The following ABCC9 variants were observed in gnomAD, a reference collection of about 807,000 sequenced individuals.
The protein encoded by ABCC9 is ATP binding cassette subfamily C member 9.
In ABCC9, 95 loss-of-function variants were observed where a neutral mutation model predicts 188.3. The observed-to-expected ratio is 0.50, with a 90% confidence interval of 0.43 to 0.60. The LOEUF (loss-of-function observed/expected upper bound fraction) is 0.60. Ranked by LOEUF, ABCC9 falls within the 20% of genes least tolerant of loss-of-function variation. The pLI is 0.00. For synonymous variants in ABCC9, 659 were observed against 652.7 expected (o/e 1.01, Z -0.15); for missense variants, 1,102 against 1,876.3 (o/e 0.59, Z 7.62).
chr12:21,845,136 G>T (rs970816394), intron 26 of ABCC9, among the ~76,000 whole-genome samples: 1 of 102,112 alleles, frequency 9.8e-6, no homozygotes, highest in African/African-American at 4.3e-5. Context: ...TTCAAGGCTT[G>T]CTTAAAAGCA....
At chr12:21,834,131 T>C (rs950693360) in intron 30 of ABCC9, among the ~76,000 whole-genome samples, 11 of 152,232 alleles carry the variant, frequency 7.2e-5, no homozygotes, top group Admixed American at 4.6e-4. Flanking sequence ...CCATATCCAA[T>C]GGACACTTTT....
intron 12 of ABCC9, among the ~76,000 whole-genome samples, chr12:21,903,765 T>C (rs1176012387): frequency 6.6e-6 from 1 of 152,140 alleles, no homozygotes; most frequent in Non-Finnish European, 1.5e-5. Context: ...AAACCACTGC[T>C]CAATGAAATA....
At chr12:21,891,669 A>T (rs1947166345) in intron 14 of ABCC9, among the ~76,000 whole-genome samples, 1 of 152,232 alleles carries the variant, frequency 6.6e-6, no homozygotes, top group African/African-American at 2.4e-5. Flanking sequence ...AGTCTCTTAC[A>T]TGCATGTATA....
chr12:21,815,797 T>C lies in ABCC9; in HGVS notation c.3989A>G (p.Lys1330Arg). 6.2e-7 allele frequency: 1 copy of C among 1,613,396 alleles called. No homozygotes were observed. Among genetic ancestry groups the C allele is most frequent in the Non-Finnish European group, 8.5e-7 (1 of 1,179,658 alleles). ...RYENNLKPVL[K>R]HVKAYIKPGQ... ...AGGTTTGATGTAAGCCTTGACGTGC[T>C]TAAGAACAGGTTTCAGATTATTTTC... The change falls in exon 34 of 40, where the codon AAG (lysine) becomes AGG (arginine). Residue 1330 changes from lysine (K) to arginine (R), a missense_variant. Lys to Arg is a conservative substitution (Grantham distance 26). Transcript: ENST00000261200.
At chr12:21,847,632 CT>C (rs960302695) in intron 25 of ABCC9, among the ~76,000 whole-genome samples, 13 of 152,168 alleles carry the variant, frequency 8.5e-5, no homozygotes, top group Admixed American at 8.5e-4. Flanking sequence ...TCCAGTCAAT[CT>C]TTTTTTCCCA....
chr12:21,870,625 C>A (rs10841902), intron 18 of ABCC9, among the ~76,000 whole-genome samples: 9 of 152,032 alleles, frequency 5.9e-5, no homozygotes, highest in South Asian at 2.1e-4. Flanking sequence ...TGTTTTTTTC[C>A]TCACGTTTCC....
At chr12:21,866,923 G>A (rs1244203188) in intron 18 of ABCC9, among the ~76,000 whole-genome samples, 1 of 152,120 alleles carries the variant, frequency 6.6e-6, no homozygotes, top group African/African-American at 2.4e-5. Context: ...TTAAAAAATG[G>A]GTGGGGAATA....
intron 15 of ABCC9, among the ~76,000 whole-genome samples, chr12:21,883,847 T>A (rs1230754821): frequency 2.0e-5 from 3 of 152,146 alleles, no homozygotes; most frequent in African/African-American, 7.2e-5. Flanking sequence ...ACATCCTTTA[T>A]AAAGAGGATG....
At chr12:21,859,792 G>T in intron 21 of ABCC9, 126 bp from the exon 22 acceptor site, 2 of 832,370 alleles carry the variant, frequency 2.4e-6, no homozygotes, top group South Asian at 2.7e-5. Flanking sequence ...TAATTAAATT[G>T]TAGTAACATT....
intron 15 of ABCC9, among the ~76,000 whole-genome samples, chr12:21,886,810 T>A (rs1045215756): frequency 6.6e-6 from 1 of 152,078 alleles, no homozygotes; most frequent in Non-Finnish European, 1.5e-5. Context: ...AATTCCTACC[T>A]CAAGATCTTT....
At chr12:21,827,005 C>T (rs1343098848) in intron 31 of ABCC9, 1 of 451,012 alleles carries the variant, frequency 2.2e-6, no homozygotes, top group South Asian at 9.4e-5. Flanking sequence ...AATGAATGGC[C>T]TGTTCTGCCC....
At chr12:21,859,493 T>G in intron 22 of ABCC9, 93 bp downstream of exon 22, 1 of 1,254,124 alleles carries the variant, frequency 8.0e-7, no homozygotes, top group East Asian at 2.3e-5. Flanking sequence ...TTAAACCATC[T>G]TTCCTTGAGT....
chr12:21,860,881 A>G (rs926100327), intron 21 of ABCC9, 90 bp downstream of exon 21: 1 of 1,105,636 alleles, frequency 9.0e-7, no homozygotes, highest in South Asian at 1.3e-5. Context: ...TAAGCTCTCA[A>G]ATTTCATGAT....
chr12:21,838,262 GTATT>G (rs1429408965), intron 29 of ABCC9, 92 bp from the exon 30 acceptor site: 1 of 1,013,656 alleles, frequency 9.9e-7, no homozygotes, highest in South Asian at 1.3e-5. Context: ...TTTTGTCACT[GTATT>G]TGTTTTCCTC....
At chr12:21,870,694 A>G (rs989128239) in intron 18 of ABCC9, among the ~76,000 whole-genome samples, 12 of 152,188 alleles carry the variant, frequency 7.9e-5, no homozygotes, top group Admixed American at 6.5e-4. Context: ...ATAATTATAC[A>G]GGACTTCAGT....
chr12:21,921,971 CAGCTTTGT>C (rs1396537844), intron 5 of ABCC9, among the ~76,000 whole-genome samples: 1 of 151,882 alleles, frequency 6.6e-6, no homozygotes, highest in Non-Finnish European at 1.5e-5. Flanking sequence ...TTGATTACTA[CAGCTTTGT>C]AGTATGAAAT....
At chr12:21,822,595 C>T (rs902753491) in intron 31 of ABCC9, among the ~76,000 whole-genome samples, 15 of 151,764 alleles carry the variant, frequency 9.9e-5, no homozygotes, top group African/African-American at 3.6e-4. Flanking sequence ...GTCAGGAGAT[C>T]GAGACCATCC....
intron 30 of ABCC9, among the ~76,000 whole-genome samples, chr12:21,832,601 G>A (rs550119715): frequency 3.0e-4 from 46 of 151,812 alleles, no homozygotes; most frequent in African/African-American, 8.7e-4. Flanking sequence ...TGCAAGAATG[G>A]CCATAGTTTA....
rs533824287 is a variant in ABCC9, at chr12:21,843,331, A to G, written c.3316-860T>C. Among the ~76,000 whole-genome samples, 3 of 152,314 alleles carry G rather than the reference A, an allele frequency of 2.0e-5. No individual in the cohort carries two copies. In the South Asian group the frequency reaches 6.2e-4, roughly 32 times the overall value. On this transcript the variant is annotated intron_variant, in intron 28 of 39. Transcript: ENST00000261200. Reference sequence around the variant, plus strand: ...CCACATTTATACGTTAAATTTCTACATAAGATGGAGTTTTTGAATTCTCCA... The same window carrying G: ...CCACATTTATACGTTAAATTTCTACGTAAGATGGAGTTTTTGAATTCTCCA...
Sources: gnomAD v4.1 joint callset for allele counts (sites outside exome capture counted in the v4.1 genomes callset) on GRCh38, gnomAD v4.1.1 for gene constraint, MANE v1.5 for transcripts, NCBI Gene and HGNC (gene_info 2026-07-23, HGNC 2026-07-21) for gene names.